The following ABCA4 variants were observed in gnomAD, a reference collection of about 807,000 sequenced individuals.
ABCA4 encodes the protein ATP binding cassette subfamily A member 4.
Under a neutral mutation model 263.7 loss-of-function variants are expected in ABCA4, and 196 were observed. That is an observed-to-expected ratio of 0.74 (90% CI 0.66 to 0.84). The LOEUF (loss-of-function observed/expected upper bound fraction) is 0.84. Among genes scored for constraint, ABCA4 ranks in the 40% least tolerant of loss-of-function variants. The probability of loss-of-function intolerance (pLI) is 0.00; values close to 1 mark genes in which losing one functional copy is unlikely to be tolerated. For synonymous variants in ABCA4, 1,133 were observed against 1,094.2 expected (o/e 1.04, Z -0.70); for missense variants, 2,792 against 2,855.1 (o/e 0.98, Z 0.50).
intron 42 of ABCA4, 34 bp downstream of exon 42, chr1:94,008,201 G>C (rs1345735518): frequency 6.2e-7 from 1 of 1,606,560 alleles, no homozygotes; most frequent in Non-Finnish European, 8.5e-7. Context: ...CTGATGTTCG[G>C]AAGCCTTTCA....
At chr1:94,014,844 T>G (rs1659680039) in intron 37 of ABCA4, among the ~76,000 whole-genome samples, 154 bp from the exon 38 acceptor site, 1 of 152,242 alleles carries the variant, frequency 6.6e-6, no homozygotes, top group African/African-American at 2.4e-5. Context: ...TTTGTTGGTC[T>G]CTGTGCCTCA....
At position 94,048,890 on chromosome 1, in the gene ABCA4, T is replaced by C. The variant is rs1214661071; in HGVS notation, c.2721A>G (p.Pro907=). The change falls in exon 18 of 50, where the codon CCA becomes CCG. Residue 907 remains proline, a synonymous_variant. Coordinates refer to ENST00000370225, the MANE Select transcript of ABCA4 (RefSeq NM_000350.3). ...TACCGTGTATTCCTTCTGGGTGCTC[T>C]GGATCCTCCGTTTCCTCTGTTAGGG... ...TEPLTEETED[P]EHPEGIHDSF... 1.2e-6 allele frequency: 2 copies of C among 1,614,226 alleles called. No homozygotes were observed. The highest frequency in any genetic ancestry group is 8.5e-7 in the Non-Finnish European group (1 of 1,180,052).
rs771742619 is a variant in ABCA4, at chr1:94,014,679, A to T, written c.5324T>A (p.Ile1775Asn). 3.1e-6 allele frequency: 5 copies of T among 1,614,194 alleles called. No homozygotes were observed. In the Admixed American group the frequency reaches 8.3e-5, roughly 27 times the overall value. The change falls in exon 38 of 50, where the codon ATT becomes AAT. Residue 1775 changes from isoleucine (I) to asparagine (N), a missense_variant. Ile to Asn is a moderately radical substitution (Grantham distance 149). Coordinates refer to ENST00000370225, the MANE Select transcript of ABCA4 (RefSeq NM_000350.3). ...ALLLLYGWAV[I>N]PMMYPASFLF... ...GAAGGATGCTGGGTACATCATGGGA[A>T]TGACCGCCCATCTGTGTGAAATGAG... is the stretch of plus-strand genomic sequence containing the variant.
chr1:94,045,841 CA>C, intron 19 of ABCA4: 1 of 456,318 alleles, frequency 2.2e-6, no homozygotes, highest in Non-Finnish European at 4.4e-6. Context: ...AAGACTGTGT[CA>C]CGTGGGTTCG....
At position 94,031,977 on chromosome 1, in the gene ABCA4, G is replaced by T. The variant is rs775563920; in HGVS notation, c.3929C>A (p.Ala1310Asp). The T allele has an allele frequency of 6.2e-7, 1 of 1,614,024 alleles. No homozygotes were observed. The highest frequency in any genetic ancestry group is 1.6e-4 in the Middle Eastern group (1 of 6,062). The change falls in exon 27 of 50, where the codon GCT (alanine) becomes GAT (aspartate). Residue 1310 changes from alanine to aspartate, a missense_variant. Physicochemically the swap from Ala to Asp is moderately radical, Grantham distance 126 (BLOSUM62 -2). Coordinates refer to ENST00000370225, the MANE Select transcript of ABCA4 (RefSeq NM_000350.3). ...ATTGGAGTCCTGGGGTGTCTGTCCA[G>T]CCTTCTCTCTGGGACCCAAGCAGGG... ...RHPCLGPREK[A>D]GQTPQDSNVC...
intron 3 of ABCA4, 127 bp from the exon 4 acceptor site, chr1:94,108,843 G>C: frequency 8.5e-7 from 1 of 1,179,860 alleles, no homozygotes; most frequent in East Asian, 2.8e-5. Flanking sequence ...CGTGATCTCG[G>C]CTCACTGCAA....
chr1:94,083,440 A>C lies in ABCA4; in HGVS notation c.770T>G (p.Leu257Arg), dbSNP rs1661754290. 6.2e-7 allele frequency: 1 copy of C among 1,612,394 alleles called. No homozygotes were observed. The highest frequency in any genetic ancestry group is 1.1e-5 in the South Asian group (1 of 91,028). The stretch of plus-strand genomic sequence containing the variant: ...AGAACGGCTGTCTAGGAGTGTGGGA[A>C]GCTGTAATTGACAGTAAAACAATTT... ...NVDFFKLFRVLPTLLDSRSQG... is the reference protein window; with the variant it reads ...NVDFFKLFRVRPTLLDSRSQG... Residue 257 changes from leucine (L) to arginine (R), a missense_variant and splice_region_variant, in exon 7 of 50, where the codon CTT (leucine) becomes CGT (arginine). Transcript: ENST00000370225.
In ABCA4 at chr1:94,056,708, T is replaced by C; in HGVS notation, c.2275A>G (p.Ser759Gly). ...FLLSTFFSKASLAAACSGVIY... is the reference protein window; with the variant it reads ...FLLSTFFSKAGLAAACSGVIY... ...ACACCACTACAGGCTGCTGCCAGAC[T>C]GGCCTTGGAGAAGAAGGTGCTGAGC... The change falls in exon 15 of 50, where the codon AGT becomes GGT. Residue 759 changes from serine to glycine, a missense_variant. By Grantham distance (56) the Ser-to-Gly change is moderately conservative. Transcript: ENST00000370225. The C allele has an allele frequency of 6.2e-7, 1 of 1,614,138 alleles. No homozygotes were observed.
intron 24 of ABCA4, among the ~76,000 whole-genome samples, chr1:94,038,933 C>T (rs1212593946): frequency 6.6e-6 from 1 of 151,830 alleles, no homozygotes; most frequent in Non-Finnish European, 1.5e-5. Flanking sequence ...CACAGCATCC[C>T]GATTCTATAC....
At chr1:94,069,949 A>T (rs1353323463) in intron 11 of ABCA4, among the ~76,000 whole-genome samples, 1 of 152,198 alleles carries the variant, frequency 6.6e-6, no homozygotes, top group Non-Finnish European at 1.5e-5. Context: ...AAATAAAAAG[A>T]TCAAGTTGGA....
chr1:94,106,322 CTG>C (rs952550663), intron 4 of ABCA4, among the ~76,000 whole-genome samples: 1 of 152,204 alleles, frequency 6.6e-6, no homozygotes, highest in Non-Finnish European at 1.5e-5. Flanking sequence ...CACAGAGAAA[CTG>C]TGGTTTGAAA....
chr1:94,093,126 A>AGGGGCAGGGAGGATGCTGAAG (rs543214454), intron 6 of ABCA4, among the ~76,000 whole-genome samples: 4 of 152,194 alleles, frequency 2.6e-5, no homozygotes, highest in South Asian at 2.1e-4. Context: ...TCCTGTGCTC[A>AGGGGCAGGGAGGATGCTGAAG]GGGGCAGGGA....
In ABCA4 at chr1:94,049,982, C is replaced by T. The variant is rs76523130; in HGVS notation, c.2654-1025G>A. Reference sequence around the variant, plus strand: ...AGGGGCAGGAGGAAACCACTGTCACCAGGCATCCAAGGGCTCTCGGCCTCA... The same window carrying T: ...AGGGGCAGGAGGAAACCACTGTCACTAGGCATCCAAGGGCTCTCGGCCTCA... On this transcript the variant is annotated intron_variant, in intron 17 of 49. Transcript: ENST00000370225. Among the ~76,000 whole-genome samples the T allele has an allele frequency of 7.2e-3, 1,090 of 152,298 alleles. 30 individuals are homozygous for T. Among genetic ancestry groups the T allele is most frequent in the Admixed American group, 0.047 (719 of 15,300 alleles).
At chr1:94,058,074 C>G (rs558447349) in intron 14 of ABCA4, among the ~76,000 whole-genome samples, 10 of 152,316 alleles carry the variant, frequency 6.6e-5, no homozygotes, top group Admixed American at 2.0e-4. Flanking sequence ...CTGTGGCTGC[C>G]ATTTCTCCTT....
chr1:94,001,784 C>G (rs551189606), intron 45 of ABCA4, 74 bp downstream of exon 45: 5 of 1,609,036 alleles, frequency 3.1e-6, no homozygotes, highest in Admixed American at 3.3e-5. Context: ...TCTGCCGACC[C>G]AGAACCTATT....
intron 13 of ABCA4, 47 bp downstream of exon 13, chr1:94,062,521 CACTCCAGCA>C: frequency 1.3e-6 from 2 of 1,588,590 alleles, no homozygotes; most frequent in Non-Finnish European, 1.7e-6. Flanking sequence ...CACCCCAGCC[CACTCCAGCA>C]CCCCCATTAG....
In ABCA4 at chr1:94,077,881, G is replaced by T. The variant is rs764170051; in HGVS notation, c.1363C>A (p.Leu455Met). ...STQMNMIRDTLGNPTVKDFLN... is the reference protein window; with the variant it reads ...STQMNMIRDTMGNPTVKDFLN... ...AAGTCTTTTACTGTTGGGTTCCCCA[G>T]GGTATCCTTGGGAAGAAGAAATACA... Residue 455 changes from leucine (L) to methionine (M), a missense_variant, in exon 11 of 50, where the codon CTG becomes ATG. Physicochemically the swap from Leu to Met is conservative, Grantham distance 15 (BLOSUM62 2). Coordinates refer to ENST00000370225, the MANE Select transcript of ABCA4 (RefSeq NM_000350.3). The T allele has an allele frequency of 9.9e-6, 16 of 1,613,864 alleles. No homozygotes were observed. The highest frequency in any genetic ancestry group is 1.3e-5 in the Non-Finnish European group (15 of 1,179,854).
intron 43 of ABCA4, 123 bp from the exon 44 acceptor site, chr1:94,005,705 C>A (rs1286011427): frequency 2.1e-6 from 2 of 934,340 alleles, no homozygotes; most frequent in East Asian, 2.6e-5. Context: ...TCCTATTTGG[C>A]TTCAGAAATG....
At chr1:94,109,411 G>C (rs1406259951) in intron 3 of ABCA4, among the ~76,000 whole-genome samples, 1 of 152,206 alleles carries the variant, frequency 6.6e-6, no homozygotes, top group Non-Finnish European at 1.5e-5. Flanking sequence ...TCATCCACAA[G>C]GACCTCCCTG....
Sources: gnomAD v4.1 joint callset for allele counts (sites outside exome capture counted in the v4.1 genomes callset) on GRCh38, gnomAD v4.1.1 for gene constraint, MANE v1.5 for transcripts, NCBI Gene and HGNC (gene_info 2026-07-23, HGNC 2026-07-21) for gene names.